CDC42BPB: variants seen among roughly 807,000 people sequenced by gnomAD.
CDC42BPB encodes CDC42 binding protein kinase beta.
Under a neutral mutation model 214.9 loss-of-function variants are expected in CDC42BPB, and 37 were observed. That is an observed-to-expected ratio of 0.17 (90% CI 0.13 to 0.23). CDC42BPB has a LOEUF of 0.23. Ranked by LOEUF, CDC42BPB falls within the 10% of genes least tolerant of loss-of-function variation. The probability of loss-of-function intolerance (pLI) is 1.00; values close to 1 mark genes in which losing one functional copy is unlikely to be tolerated. For missense variants in CDC42BPB, 1,694 were observed against 2,227.0 expected (o/e 0.76, Z 4.82); for synonymous variants, 931 against 884.0 (o/e 1.05, Z -0.94).
intron 1 of CDC42BPB, among the ~76,000 whole-genome samples, chr14:103,051,426 TAA>T (rs549332515): frequency 1.1e-3 from 92 of 80,678 alleles, no homozygotes; most frequent in Admixed American, 1.7e-3. Context: ...CTCTTCCAGC[TAA>T]AAAAAAAAAA....
chr14:102,968,689 C>A lies in CDC42BPB; in HGVS notation c.2023G>T (p.Ala675Ser). ...KVKQGGRGAG[A>S]TLEHQQEISK... is the part of the protein sequence containing the mutation. ...ATCTCTTGCTGGTGCTCTAAGGTGG[C>A]ACCCGCTCCCCGGCCTCCTTGCTTC... The change falls in exon 15 of 37, where the codon GCC becomes TCC. Residue 675 changes from alanine (A) to serine (S), a missense_variant. Ala to Ser is a moderately conservative substitution (Grantham distance 99, BLOSUM62 1). Transcript: ENST00000361246. 2.5e-6 allele frequency: 4 copies of A among 1,614,074 alleles called. No homozygotes were observed. Among genetic ancestry groups the A allele is most frequent in the Non-Finnish European group, 3.4e-6 (4 of 1,180,018 alleles).
chr14:103,056,653 G>A (rs551134278), intron 1 of CDC42BPB, among the ~76,000 whole-genome samples: 1 of 145,834 alleles, frequency 6.9e-6, no homozygotes, highest in Non-Finnish European at 1.5e-5. Flanking sequence ...CTAGGAAGCC[G>A]CCAGGGCGAG....
chr14:103,035,088 C>G (rs1428711543), intron 1 of CDC42BPB, among the ~76,000 whole-genome samples: 1 of 150,724 alleles, frequency 6.6e-6, no homozygotes, highest in South Asian at 2.1e-4. Context: ...CGGAGTTTCG[C>G]TTTTGTTGCC....
chr14:103,034,862 A>C (rs1365471145), intron 1 of CDC42BPB, among the ~76,000 whole-genome samples: 1 of 151,888 alleles, frequency 6.6e-6, no homozygotes, highest in Non-Finnish European at 1.5e-5. Context: ...AGAGGGGACT[A>C]TGAAATGGAT....
At chr14:103,036,339 TAG>T (rs941303533) in intron 1 of CDC42BPB, among the ~76,000 whole-genome samples, 24 of 151,944 alleles carry the variant, frequency 1.6e-4, no homozygotes, top group Non-Finnish European at 2.9e-4. Flanking sequence ...GTATTTTTAG[TAG>T]AGACGGGGTT....
intron 1 of CDC42BPB, among the ~76,000 whole-genome samples, chr14:103,027,784 C>T (rs894496518): frequency 3.3e-5 from 5 of 152,120 alleles, no homozygotes; most frequent in Admixed American, 6.5e-5. Flanking sequence ...AATTAGACAG[C>T]GGTGAGAGCT....
chr14:103,020,225 C>G (rs1022981658), intron 1 of CDC42BPB, among the ~76,000 whole-genome samples: 2 of 152,226 alleles, frequency 1.3e-5, no homozygotes, highest in African/African-American at 4.8e-5. Flanking sequence ...TTATCCATTA[C>G]GAATAATACC....
At chr14:103,019,786 A>G (rs1322759813) in intron 1 of CDC42BPB, among the ~76,000 whole-genome samples, 1 of 152,252 alleles carries the variant, frequency 6.6e-6, no homozygotes, top group African/African-American at 2.4e-5. Context: ...ACTGTCCCCT[A>G]AAGAACTTCT....
In CDC42BPB at chr14:102,944,661, G is replaced by C; in HGVS notation, c.3812-174C>G. ...CCCGTCTCTGCCCACAGAGCCAGTG[G>C]CTTGAACGCCCCCCGGAGAAGCTGC... On this transcript the variant is annotated intron_variant, in intron 29 of 36. Coordinates refer to ENST00000361246, the MANE Select transcript of CDC42BPB (RefSeq NM_006035.4). This position sits in a 1 kb window ranked among gnomAD's most constrained non-coding sequence, Gnocchi z 6.6. 1.0e-6 allele frequency: 1 copy of C among 985,376 alleles called. No homozygotes were observed. The highest frequency in any genetic ancestry group is 1.2e-6 in the Non-Finnish European group (1 of 829,900). The allele number at this position is 985,376 out of a possible 1,614,324, so 61.0% of individuals were successfully genotyped here. A position where few individuals can be genotyped will look rare whatever the true frequency, so the allele number is the denominator to read the frequency against.
chr14:102,997,918 G>A (rs1484065065), intron 5 of CDC42BPB, among the ~76,000 whole-genome samples: 2 of 152,202 alleles, frequency 1.3e-5, no homozygotes, highest in Non-Finnish European at 1.5e-5. Flanking sequence ...GCCGAGATGG[G>A]CGGATCACTT....
intron 1 of CDC42BPB, among the ~76,000 whole-genome samples, chr14:103,037,001 T>C (rs34067972): frequency 6.6e-6 from 1 of 151,946 alleles, no homozygotes; most frequent in African/African-American, 2.4e-5. Flanking sequence ...TTTTTTTTTG[T>C]AGAGACAGGG....
chr14:103,016,664 G>A (rs2139657494), intron 1 of CDC42BPB, among the ~76,000 whole-genome samples: 1 of 152,254 alleles, frequency 6.6e-6, no homozygotes, highest in South Asian at 2.1e-4. Flanking sequence ...CAAGTGAGGA[G>A]TTATAGATAA....
At chr14:102,968,380 A>G in intron 15 of CDC42BPB, 22 bp from the exon 16 acceptor site, 15 of 1,613,374 alleles carry the variant, frequency 9.3e-6, no homozygotes, top group Non-Finnish European at 1.3e-5. Flanking sequence ...AGCGAGAAAC[A>G]GTTTTAAAAG....
chr14:102,949,513 G>A (rs755500936), intron 26 of CDC42BPB, among the ~76,000 whole-genome samples: 3 of 152,002 alleles, frequency 2.0e-5, no homozygotes, highest in Non-Finnish European at 4.4e-5. Flanking sequence ...ACTTCTCAAC[G>A]CAAACACATG....
At chr14:102,934,775 G>A (rs1425250669) in intron 36 of CDC42BPB, among the ~76,000 whole-genome samples, 2 of 152,066 alleles carry the variant, frequency 1.3e-5, no homozygotes, top group Non-Finnish European at 2.9e-5. Flanking sequence ...ACTTTGGGAG[G>A]CCAAGGTGGG....
intron 2 of CDC42BPB, among the ~76,000 whole-genome samples, chr14:103,011,737 T>A (rs1886171745): frequency 6.6e-6 from 1 of 152,136 alleles, no homozygotes; most frequent in Admixed American, 6.6e-5. Flanking sequence ...GTGCAAGACG[T>A]CCATCTCAAA....
At position 102,943,717 on chromosome 14, in the gene CDC42BPB, C is replaced by T. The variant is rs946955141; in HGVS notation, c.4408+174G>A. The stretch of plus-strand genomic sequence containing the variant: ...GAGCCCGCCTACTGCTGGTCTGAGA[C>T]GTGAGATCTGAACCATGCTCTCTGC... On this transcript the variant is annotated intron_variant, in intron 30 of 36. Coordinates refer to ENST00000361246, the MANE Select transcript of CDC42BPB (RefSeq NM_006035.4). The surrounding 1 kb of genome is among the most constrained non-coding windows in gnomAD (Gnocchi z 4.6). The T allele has an allele frequency of 1.2e-5, 7 of 605,088 alleles. No individual in the cohort carries two copies. Among genetic ancestry groups the T allele is most frequent in the Middle Eastern group, 4.4e-4 (1 of 2,270 alleles). 37.5% of individuals were successfully genotyped at this position (605,088 alleles called of 1,614,324 possible).
At position 103,004,289 on chromosome 14, in the gene CDC42BPB, T is replaced by TA. The variant is rs1302111803; in HGVS notation, c.352-267dup. On this transcript the variant is annotated intron_variant, in intron 3 of 36. Coordinates refer to ENST00000361246, the MANE Select transcript of CDC42BPB (RefSeq NM_006035.4). This position sits in a 1 kb window ranked among gnomAD's most constrained non-coding sequence, Gnocchi z 5.3. ...GGGCACCATTTCTGTGGCTGACACT[T>TA]AGATTCACCCCACCCTTATGTGGAT... 4.0e-6 allele frequency: 3 copies of TA among 742,420 alleles called. No homozygotes were observed. The African/African-American group carries it at 5.5e-5, about 14-fold the overall frequency. The allele number at this position is 742,420 out of a possible 1,614,324, so 46.0% of individuals were successfully genotyped here.
chr14:103,055,390 T>G (rs1227824302), intron 1 of CDC42BPB, among the ~76,000 whole-genome samples: 1 of 152,106 alleles, frequency 6.6e-6, no homozygotes, highest in African/African-American at 2.4e-5. Context: ...GCCACTGCAC[T>G]CCAGCCTAGG....
Sources: allele counts gnomAD v4.1 joint callset (sites outside exome capture counted in the v4.1 genomes callset), GRCh38; gene constraint gnomAD v4.1.1; non-coding constraint Gnocchi (gnomAD v3.1); transcripts MANE v1.5; gene names NCBI Gene and HGNC (gene_info 2026-07-23, HGNC 2026-07-21).